The following LRBA variants were observed in gnomAD, a reference collection of about 807,000 sequenced individuals.
LRBA encodes the protein lipopolysaccharide-responsive and beige-like anchor protein.
Under a neutral mutation model 330.0 loss-of-function variants are expected in LRBA, and 176 were observed. That is an observed-to-expected ratio of 0.53 (90% CI 0.47 to 0.60). The LOEUF (loss-of-function observed/expected upper bound fraction) is 0.60, where lower values mean the gene tolerates loss of function less well. Ranked by LOEUF, LRBA falls within the 20% of genes least tolerant of loss-of-function variation. The probability of loss-of-function intolerance (pLI) is 0.00; values close to 1 mark genes in which losing one functional copy is unlikely to be tolerated. For missense variants in LRBA, 3,259 were observed against 3,444.8 expected (o/e 0.95, Z 1.35); for synonymous variants, 1,230 against 1,193.0 (o/e 1.03, Z -0.64).
intron 22 of LRBA, among the ~76,000 whole-genome samples, chr4:150,866,454 T>C (rs185559202): frequency 6.6e-6 from 1 of 152,298 alleles, no homozygotes; most frequent in East Asian, 1.9e-4. Context: ...TTTAAATTCA[T>C]CAAAGTGACA....
intron 36 of LRBA, among the ~76,000 whole-genome samples, chr4:150,686,573 A>T (rs1348986467): frequency 6.6e-6 from 1 of 152,178 alleles, no homozygotes; most frequent in African/African-American, 2.4e-5. Flanking sequence ...TTCATATCTA[A>T]CCCAACCATA....
intron 53 of LRBA, among the ~76,000 whole-genome samples, chr4:150,288,793 C>CTT (rs1216797652): frequency 2.9e-5 from 3 of 104,050 alleles, no homozygotes; most frequent in Non-Finnish European, 4.1e-5. Flanking sequence ...TGTGATTGTT[C>CTT]TTTTTTTTTT....
At chr4:150,586,468 A>C (rs1772127138) in intron 40 of LRBA, among the ~76,000 whole-genome samples, 1 of 152,194 alleles carries the variant, frequency 6.6e-6, no homozygotes, top group Non-Finnish European at 1.5e-5. Flanking sequence ...TTAAAGCATT[A>C]ACATCTATAC....
intron 2 of LRBA, among the ~76,000 whole-genome samples, chr4:150,978,755 CAG>C (rs1355896450): frequency 2.0e-5 from 3 of 152,064 alleles, no homozygotes; most frequent in Admixed American, 6.5e-5. Flanking sequence ...AAGAATGCAT[CAG>C]AGTCTCTTAA....
intron 35 of LRBA, among the ~76,000 whole-genome samples, chr4:150,739,450 A>G (rs1382039288): frequency 6.6e-6 from 1 of 152,222 alleles, no homozygotes; most frequent in Non-Finnish European, 1.5e-5. Flanking sequence ...CATTTCAATT[A>G]AACTAGAAAT....
intron 42 of LRBA, among the ~76,000 whole-genome samples, chr4:150,480,589 A>G (rs1476549866): frequency 1.3e-5 from 2 of 152,152 alleles, no homozygotes; most frequent in African/African-American, 4.8e-5. Context: ...TTTTTAAAAC[A>G]GCATCACATG....
At chr4:150,518,057 G>A (rs1313025218) in intron 40 of LRBA, among the ~76,000 whole-genome samples, 2 of 152,142 alleles carry the variant, frequency 1.3e-5, no homozygotes, top group African/African-American at 4.8e-5. Context: ...CTCAACATAC[G>A]CTATTTCTTC....
intron 37 of LRBA, among the ~76,000 whole-genome samples, chr4:150,602,046 C>CT (rs5862928): frequency 0.8 from 120,901 of 151,922 alleles, 52,068 homozygotes; most frequent in Non-Finnish European, 0.95. Flanking sequence ...GAATAAACGA[C>CT]CTGTAATACC....
chr4:150,971,437 G>C (rs1212960104), intron 2 of LRBA, among the ~76,000 whole-genome samples: 1 of 152,086 alleles, frequency 6.6e-6, no homozygotes, highest in African/African-American at 2.4e-5. Context: ...ATGTTATTTT[G>C]AATAATTCTG....
intron 40 of LRBA, among the ~76,000 whole-genome samples, chr4:150,524,296 C>T (rs192920170): frequency 1.7e-4 from 26 of 152,258 alleles, no homozygotes; most frequent in Admixed American, 6.5e-4. Context: ...TTCACCTAGG[C>T]AAATGATTGT....
chr4:150,333,709 G>C (rs1019745599), intron 48 of LRBA, among the ~76,000 whole-genome samples: 1 of 152,094 alleles, frequency 6.6e-6, no homozygotes, highest in Admixed American at 6.6e-5. Flanking sequence ...AAAGTTTACT[G>C]TCTAGCTGAC....
At chr4:150,796,536 T>G (rs1017491645) in intron 34 of LRBA, among the ~76,000 whole-genome samples, 1 of 152,012 alleles carries the variant, frequency 6.6e-6, no homozygotes, top group Non-Finnish European at 1.5e-5. Context: ...TACTGTACTA[T>G]ATGATCTTCA....
intron 11 of LRBA, among the ~76,000 whole-genome samples, 161 bp downstream of exon 11, chr4:150,908,168 CTTAAG>C (rs555741272): frequency 3.3e-5 from 5 of 152,076 alleles, no homozygotes; most frequent in African/African-American, 9.7e-5. Flanking sequence ...TAAACAAGAA[CTTAAG>C]TTAATACTGA....
chr4:150,324,211 A>G (rs1732937025), intron 49 of LRBA, among the ~76,000 whole-genome samples: 1 of 152,200 alleles, frequency 6.6e-6, no homozygotes, highest in Non-Finnish European at 1.5e-5. Flanking sequence ...ACCCCAGCAG[A>G]AAGTCAATGG....
At chr4:150,839,692 A>G (rs1560896174) in intron 28 of LRBA, among the ~76,000 whole-genome samples, 1 of 152,186 alleles carries the variant, frequency 6.6e-6, no homozygotes, top group Non-Finnish European at 1.5e-5. Context: ...AACAATGAGA[A>G]CACTTGGACA....
chr4:150,739,614 A>G (rs978970379), intron 35 of LRBA, among the ~76,000 whole-genome samples: 6 of 152,156 alleles, frequency 3.9e-5, no homozygotes, highest in Admixed American at 6.6e-5. Flanking sequence ...CAATGAAGGA[A>G]TAACACTTCA....
chr4:150,624,747 T>C (rs1268422548), intron 37 of LRBA, among the ~76,000 whole-genome samples: 1 of 152,212 alleles, frequency 6.6e-6, no homozygotes, highest in East Asian at 1.9e-4. Context: ...ATGTAAAGCA[T>C]ATCTTTACTC....
chr4:150,299,776 CT>C (rs1409349115), intron 53 of LRBA, among the ~76,000 whole-genome samples: 3 of 151,892 alleles, frequency 2.0e-5, no homozygotes, highest in Non-Finnish European at 4.4e-5. Context: ...ACCTGGTTTT[CT>C]TTTATCTATT....
At chr4:150,936,237 A>T (rs1424403795) in intron 2 of LRBA, among the ~76,000 whole-genome samples, 1 of 152,130 alleles carries the variant, frequency 6.6e-6, no homozygotes, top group Non-Finnish European at 1.5e-5. Flanking sequence ...AAGTCAAGAC[A>T]ATCTTTTATT....
Sources: gnomAD v4.1 joint callset for allele counts (sites outside exome capture counted in the v4.1 genomes callset) on GRCh38, gnomAD v4.1.1 for gene constraint, MANE v1.5 for transcripts, NCBI Gene and HGNC (gene_info 2026-07-23, HGNC 2026-07-21) for gene names.